Variants in SLC2A12 observed in about 807,000 individuals in gnomAD.
SLC2A12 encodes solute carrier family 2, facilitated glucose transporter member 12.
A neutral mutation model predicts 41.8 loss-of-function variants in SLC2A12; 23 were observed. The ratio of observed to expected loss-of-function variants is 0.55; its 90% CI spans 0.40 to 0.78. SLC2A12 has a LOEUF of 0.78. SLC2A12 is among the 30% of genes least tolerant of loss of function. SLC2A12 has a pLI of 0.00. For synonymous variants in SLC2A12, 295 were observed against 285.9 expected (o/e 1.03, Z -0.32); for missense variants, 654 against 745.6 (o/e 0.88, Z 1.43).
At chr6:134,033,182 A>G (rs1169991200) in intron 1 of SLC2A12, among the ~76,000 whole-genome samples, 3 of 152,130 alleles carry the variant, frequency 2.0e-5, no homozygotes, top group South Asian at 2.1e-4. Context: ...TGTCGGTCAC[A>G]GTGATGACTT....
At position 133,991,295 on chromosome 6, in the gene SLC2A12, T is replaced by C; in HGVS notation, c.1714A>G (p.Asn572Asp). The C allele has an allele frequency of 1.2e-6, 2 of 1,613,144 alleles. No homozygotes were observed. The highest frequency in any genetic ancestry group is 2.2e-5 in the South Asian group (2 of 90,708). ...MELAKVNYVK[N>D]NICFMSHHQE... ...TGATGACTCATAAAACAAATGTTGT[T>C]TTTCACATAGTTCCTGAAAGAGAAA... Residue 572 changes from asparagine (N) to aspartate (D), a missense_variant, in exon 5 of 5, where the codon AAC (asparagine) becomes GAC (aspartate). Asn to Asp is a conservative substitution (Grantham distance 23, BLOSUM62 1). Coordinates refer to ENST00000275230, the MANE Select transcript of SLC2A12 (RefSeq NM_145176.3).
intron 1 of SLC2A12, among the ~76,000 whole-genome samples, chr6:134,031,798 G>A (rs186123612): frequency 2.0e-3 from 312 of 152,276 alleles, no homozygotes; most frequent in Middle Eastern, 6.8e-3. Context: ...TTAAAGATAG[G>A]TCAAGCCTGG....
chr6:134,032,171 G>A (rs73774198), intron 1 of SLC2A12, among the ~76,000 whole-genome samples: 4,796 of 151,802 alleles, frequency 0.032, 254 homozygotes, highest in African/African-American at 0.11. Flanking sequence ...TCCATCTCCA[G>A]GATCCTAGTA....
intron 2 of SLC2A12, among the ~76,000 whole-genome samples, chr6:134,011,194 C>T (rs1776877211): frequency 1.3e-5 from 2 of 152,084 alleles, no homozygotes; most frequent in Non-Finnish European, 2.9e-5. Flanking sequence ...CCTTTGTAAG[C>T]GGCACACCTA....
chr6:134,028,407 G>A lies in SLC2A12; in HGVS notation c.1418C>T (p.Ala473Val). The part of the protein sequence containing the change: ...LSLASLLVYV[A>V]AFSIGLGPMP... ...TGGTCCTAGACCAATTGAAAAAGCA[G>A]CAACATAAACAAGCAAGCTGGCTAA... Residue 473 changes from alanine to valine, a missense_variant, in exon 2 of 5, where the codon GCT becomes GTT. By Grantham distance (64) the Ala-to-Val change is moderately conservative (BLOSUM62 0). Around this residue, in one of 3 missense-constraint regions of SLC2A12, gnomAD observed 134 missense variants for 180.5 expected, o/e 0.74. Coordinates refer to ENST00000275230, the MANE Select transcript of SLC2A12 (RefSeq NM_145176.3). 1 of 1,612,978 alleles carries A rather than the reference G, an allele frequency of 6.2e-7. No homozygotes were observed. The highest frequency in any genetic ancestry group is 8.5e-7 in the Non-Finnish European group (1 of 1,179,496).
intron 2 of SLC2A12, among the ~76,000 whole-genome samples, chr6:134,022,553 GAAAAGAAAA>G (rs1777057094): frequency 1.9e-5 from 1 of 52,130 alleles, no homozygotes; most frequent in African/African-American, 1.1e-4. Flanking sequence ...GAAAAGAAAA[GAAAAGAAAA>G]GAAAAGAAAA....
chr6:134,030,358 T>C (rs1373106030), intron 1 of SLC2A12, among the ~76,000 whole-genome samples: 1 of 152,112 alleles, frequency 6.6e-6, no homozygotes, highest in Non-Finnish European at 1.5e-5. Context: ...AAGGTTTTGC[T>C]AAACAGAAGG....
At chr6:134,006,176 G>GAAAAAT (rs1776810886) in intron 3 of SLC2A12, among the ~76,000 whole-genome samples, 1 of 61,772 alleles carries the variant, frequency 1.6e-5, no homozygotes, top group Non-Finnish European at 3.3e-5. Context: ...GAGACTATCG[G>GAAAAAT]AAAAAAAAAA....
At chr6:134,043,912 A>G (rs1439660672) in intron 1 of SLC2A12, among the ~76,000 whole-genome samples, 3 of 151,986 alleles carry the variant, frequency 2.0e-5, no homozygotes, top group Non-Finnish European at 4.4e-5. Context: ...ATCTTTTGTA[A>G]GCTAAGGAAG....
At chr6:133,991,353 C>A (rs1459471933) in intron 4 of SLC2A12, 45 bp from the exon 5 acceptor site, 1 of 1,586,570 alleles carries the variant, frequency 6.3e-7, no homozygotes. Context: ...TCTTAGTTTA[C>A]ATGAAAAAAA....
chr6:134,030,246 G>A (rs895838662), intron 1 of SLC2A12, among the ~76,000 whole-genome samples: 1 of 152,170 alleles, frequency 6.6e-6, no homozygotes, highest in Non-Finnish European at 1.5e-5. Context: ...CTTATCTCCT[G>A]GGCCACAGTC....
chr6:133,999,198 C>G (rs1003913944), intron 4 of SLC2A12, among the ~76,000 whole-genome samples: 4 of 152,124 alleles, frequency 2.6e-5, no homozygotes, highest in African/African-American at 9.7e-5. Flanking sequence ...AGGATGAGTA[C>G]TTGAGTTGGG....
chr6:134,007,521 T>C (rs1472788671), intron 2 of SLC2A12, among the ~76,000 whole-genome samples: 1 of 152,186 alleles, frequency 6.6e-6, no homozygotes, highest in East Asian at 1.9e-4. Context: ...AGCTCCAAGA[T>C]TTGATTATTG....
chr6:134,051,285 C>T (rs1773680599), intron 1 of SLC2A12, among the ~76,000 whole-genome samples: 1 of 152,114 alleles, frequency 6.6e-6, no homozygotes, highest in South Asian at 2.1e-4. Flanking sequence ...AGATGGAGGG[C>T]TTCTCCACTC....
In SLC2A12 at chr6:134,029,456, G is replaced by A; in HGVS notation, c.369C>T (p.Val123=). ...SSCLLGLGSL[V]LILSLSYTVL... is the part of the protein sequence containing the mutation. ...CCGTGTAGGATAAACTGAGGATCAAGACTAAGCTTCCGAGTCCAAGCAGGC... is the reference window on the plus strand; with the variant it reads ...CCGTGTAGGATAAACTGAGGATCAAAACTAAGCTTCCGAGTCCAAGCAGGC... The change falls in exon 2 of 5, where the codon GTC becomes GTT. Residue 123 remains valine (V), a synonymous_variant. Transcript: ENST00000275230. The A allele has an allele frequency of 7.4e-6, 12 of 1,614,148 alleles. No homozygotes were observed. The highest frequency in any genetic ancestry group is 1.0e-5 in the Non-Finnish European group (12 of 1,180,048).
intron 2 of SLC2A12, among the ~76,000 whole-genome samples, chr6:134,024,221 TGAG>T (rs1448703158): frequency 1.3e-5 from 2 of 152,236 alleles, no homozygotes; most frequent in Non-Finnish European, 2.9e-5. Flanking sequence ...GCGAAAGACA[TGAG>T]TGCTGCAGTT....
At position 134,052,599 on chromosome 6, in the gene SLC2A12, G is replaced by T; in HGVS notation, c.-119C>A. On this transcript the variant is annotated 5_prime_UTR_variant, in exon 1 of 5. Coordinates refer to ENST00000275230, the MANE Select transcript of SLC2A12 (RefSeq NM_145176.3). ...AAAGAAGAGTGTGGGGAAAAACTTC[G>T]GGCAAAGCTAATGTGATTTGTGACC... is the stretch of plus-strand genomic sequence containing the variant. 1.3e-6 allele frequency: 1 copy of T among 741,706 alleles called. No individual in the cohort carries two copies. Among genetic ancestry groups the T allele is most frequent in the South Asian group, 1.7e-5 (1 of 58,118 alleles). The allele number at this position is 741,706 out of a possible 1,614,324, so 45.9% of individuals were successfully genotyped here.
Position 133,987,648 on chromosome 6 carries a change from G to GTGTGTGTGTATATATATATATA in SLC2A12, c.*3506_*3507insTATATATATATATACACACACA, listed in dbSNP as rs200249148. 1 of 88,318 alleles carries GTGTGTGTGTATATATATATATA rather than the reference G, an allele frequency of 1.1e-5. No individual in the cohort carries two copies. Among genetic ancestry groups the GTGTGTGTGTATATATATATATA allele is most frequent in the Non-Finnish European group, 2.8e-5 (1 of 35,236 alleles). 5.5% of individuals were successfully genotyped at this position (88,318 alleles called of 1,614,324 possible). On this transcript the variant is annotated 3_prime_UTR_variant, in exon 5 of 5. Coordinates refer to ENST00000275230, the MANE Select transcript of SLC2A12 (RefSeq NM_145176.3). ...TTTGTGTGTGTGTGTGTGTGTGTGTGTATATATATATATATATATGCACCA... is the reference window on the plus strand; with the variant it reads ...TTTGTGTGTGTGTGTGTGTGTGTGTGTGTGTGTGTATATATATATATATATATATATATATATATATGCACCA...
rs1373664960 is a variant in SLC2A12, at chr6:133,990,255, CTG to C, written c.*898_*899del. 1 of 152,614 alleles carries C rather than the reference CTG, an allele frequency of 6.6e-6. No homozygotes were observed. Among genetic ancestry groups the C allele is most frequent in the African/African-American group, 2.4e-5 (1 of 41,436 alleles). 9.5% of individuals were successfully genotyped at this position (152,614 alleles called of 1,614,324 possible). A position where few individuals can be genotyped will look rare whatever the true frequency, so the allele number is the denominator to read the frequency against. ...CCTGAGGAGTGTGAAGAATTGGACA[CTG>C]TGGATTACTATACATTGTCATGAAA... is the stretch of plus-strand genomic sequence containing the variant. On this transcript the variant is annotated 3_prime_UTR_variant, in exon 5 of 5. Coordinates refer to ENST00000275230, the MANE Select transcript of SLC2A12 (RefSeq NM_145176.3).
Sources: allele counts gnomAD v4.1 joint callset (sites outside exome capture counted in the v4.1 genomes callset), GRCh38; gene constraint gnomAD v4.1.1; regional missense constraint gnomAD v4.1.1; transcripts MANE v1.5; gene names NCBI Gene and HGNC (gene_info 2026-07-23, HGNC 2026-07-21).